The following PPP1R9A variants were observed in gnomAD, a reference collection of about 807,000 sequenced individuals.
The protein encoded by PPP1R9A is protein phosphatase 1 regulatory subunit 9A, also known as neurabin-1.
A neutral mutation model predicts 141.9 loss-of-function variants in PPP1R9A; 59 were observed. The observed-to-expected ratio is 0.42, with a 90% CI of 0.34 to 0.52. The LOEUF is 0.52. Ranked by LOEUF, PPP1R9A falls within the 20% of genes least tolerant of loss-of-function variation. The pLI is 0.10. For missense variants in PPP1R9A, 1,444 were observed against 1,611.9 expected (o/e 0.90, Z 1.78); for synonymous variants, 500 against 569.7 (o/e 0.88, Z 1.74).
At chr7:95,063,480 A>G (rs1385881954) in intron 2 of PPP1R9A, among the ~76,000 whole-genome samples, 4 of 152,106 alleles carry the variant, frequency 2.6e-5, no homozygotes, top group Non-Finnish European at 4.4e-5. Flanking sequence ...CAAGAGAATC[A>G]CTTGAGCCCA....
intron 5 of PPP1R9A, among the ~76,000 whole-genome samples, chr7:95,196,798 G>A (rs1415711702): frequency 1.3e-5 from 2 of 152,114 alleles, no homozygotes; most frequent in East Asian, 3.8e-4. Context: ...AATAGTTTGG[G>A]TTGATGGAAA....
chr7:95,070,432 T>C (rs1372719474), intron 2 of PPP1R9A, among the ~76,000 whole-genome samples: 1 of 151,918 alleles, frequency 6.6e-6, no homozygotes. Flanking sequence ...CCCTTGAAAT[T>C]ATTTAGTGAA....
At chr7:94,922,091 T>A (rs1433061623) in intron 2 of PPP1R9A, among the ~76,000 whole-genome samples, 1 of 149,194 alleles carries the variant, frequency 6.7e-6, no homozygotes, top group African/African-American at 2.4e-5. Flanking sequence ...ATAATTTTAT[T>A]AATTTATAAT....
chr7:95,290,463 T>TTGC lies in PPP1R9A; in HGVS notation c.*160_*161insTGC. The TTGC allele has an allele frequency of 2.6e-6, 2 of 756,238 alleles. No individual in the cohort carries two copies. The highest frequency in any genetic ancestry group is 4.1e-6 in the Non-Finnish European group (2 of 482,332). 46.8% of individuals were successfully genotyped at this position (756,238 alleles called of 1,614,324 possible). On this transcript the variant is annotated 3_prime_UTR_variant, in exon 20 of 20. Transcript: ENST00000433360. ...TGTTGAATAACTGCATTTTCTGCAATAGAATGCACTCTTAATTTTAACTAC... is the reference window on the plus strand; with the variant it reads ...TGTTGAATAACTGCATTTTCTGCAATTGCAGAATGCACTCTTAATTTTAACTAC...
At chr7:94,919,359 G>C (rs1431282508) in intron 2 of PPP1R9A, among the ~76,000 whole-genome samples, 10 of 139,042 alleles carry the variant, frequency 7.2e-5, no homozygotes, top group African/African-American at 2.2e-4. Context: ...TGTCTAGGCT[G>C]GTCTTGAACT....
chr7:95,237,576 A>G (rs1253402673), intron 8 of PPP1R9A, among the ~76,000 whole-genome samples: 2 of 152,066 alleles, frequency 1.3e-5, no homozygotes, highest in Admixed American at 6.6e-5. Context: ...TATTTTGTCT[A>G]TTTGATCTAC....
chr7:95,155,616 A>C (rs954759023), intron 4 of PPP1R9A: 2 of 152,200 alleles, frequency 1.3e-5, no homozygotes, highest in African/African-American at 4.8e-5. Flanking sequence ...GTCTCAGTGG[A>C]TCCTCCAAAA....
chr7:95,105,725 A>T (rs1268797374), intron 2 of PPP1R9A, among the ~76,000 whole-genome samples: 1 of 152,236 alleles, frequency 6.6e-6, no homozygotes, highest in Non-Finnish European at 1.5e-5. Flanking sequence ...TAATAAAAAT[A>T]ATAGAACTAT....
chr7:95,095,085 T>C (rs1817852032), intron 2 of PPP1R9A, among the ~76,000 whole-genome samples: 1 of 152,008 alleles, frequency 6.6e-6, no homozygotes, highest in Non-Finnish European at 1.5e-5. Flanking sequence ...TTGGGGTACT[T>C]TAAATCTGAG....
At chr7:95,240,519 A>T (rs771706032) in intron 8 of PPP1R9A, among the ~76,000 whole-genome samples, 23 of 151,120 alleles carry the variant, frequency 1.5e-4, no homozygotes, top group Non-Finnish European at 2.8e-4. Flanking sequence ...TTGTCTTGTC[A>T]TATCAGTGAT....
intron 2 of PPP1R9A, among the ~76,000 whole-genome samples, chr7:94,973,832 C>G (rs191248721): frequency 2.8e-4 from 42 of 151,358 alleles, no homozygotes; most frequent in Admixed American, 1.5e-3. Flanking sequence ...ATCTTTCCAT[C>G]TCAGCCTCCC....
At chr7:94,930,451 C>T (rs922876413) in intron 2 of PPP1R9A, among the ~76,000 whole-genome samples, 2 of 152,138 alleles carry the variant, frequency 1.3e-5, no homozygotes, top group African/African-American at 2.4e-5. Flanking sequence ...GATTCTCCTG[C>T]CTCAGCCTCC....
intron 4 of PPP1R9A, among the ~76,000 whole-genome samples, chr7:95,121,459 G>GTCTATCTATCTATCTATCTA (rs35336740): frequency 2.0e-5 from 1 of 50,304 alleles, no homozygotes; most frequent in African/African-American, 4.7e-5. Flanking sequence ...CTGTCTGTCT[G>GTCTATCTATCTATCTATCTA]TCTATCTATC....
intron 2 of PPP1R9A, among the ~76,000 whole-genome samples, chr7:94,974,197 C>G (rs1027179950): frequency 1.3e-5 from 2 of 152,024 alleles, no homozygotes; most frequent in African/African-American, 4.8e-5. Flanking sequence ...GTATTAGGAT[C>G]GCCTAAGGAG....
chr7:95,262,671 A>G (rs1800615336), intron 12 of PPP1R9A, among the ~76,000 whole-genome samples: 1 of 152,152 alleles, frequency 6.6e-6, no homozygotes. Context: ...TATATTAGAT[A>G]TCAGATTGCA....
At chr7:95,226,792 C>G (rs1246574242) in intron 8 of PPP1R9A, among the ~76,000 whole-genome samples, 1 of 152,086 alleles carries the variant, frequency 6.6e-6, no homozygotes, top group Non-Finnish European at 1.5e-5. Flanking sequence ...AGATCAGACT[C>G]CTGAGGCAAT....
chr7:94,945,226 C>T (rs185875794), intron 2 of PPP1R9A, among the ~76,000 whole-genome samples: 231 of 152,158 alleles, frequency 1.5e-3, no homozygotes, highest in Non-Finnish European at 2.4e-3. Flanking sequence ...AGTTGCTTAA[C>T]CTCTGGTGCT....
intron 2 of PPP1R9A, among the ~76,000 whole-genome samples, chr7:94,941,083 G>T (rs1795288918): frequency 1.3e-5 from 2 of 152,084 alleles, no homozygotes; most frequent in Non-Finnish European, 2.9e-5. Context: ...TATTGTCTGT[G>T]AAAGACTAAT....
chr7:95,085,419 T>G (rs1303247731), intron 2 of PPP1R9A, among the ~76,000 whole-genome samples: 3 of 135,386 alleles, frequency 2.2e-5, no homozygotes, highest in East Asian at 2.0e-4. Flanking sequence ...AAAAAATTTT[T>G]GGTTTTTTTT....
Sources: gnomAD v4.1 joint callset for allele counts (sites outside exome capture counted in the v4.1 genomes callset) on GRCh38, gnomAD v4.1.1 for gene constraint, MANE v1.5 for transcripts, NCBI Gene and HGNC (gene_info 2026-07-23, HGNC 2026-07-21) for gene names.